CD247: variants seen among roughly 807,000 people sequenced by gnomAD.
The protein encoded by CD247 is CD247 molecule.
A neutral mutation model predicts 30.0 loss-of-function variants in CD247; 13 were observed. The observed-to-expected ratio is 0.43, with a 90% CI of 0.28 to 0.69. The LOEUF is 0.69. Among genes scored for constraint, CD247 ranks in the 30% least tolerant of loss-of-function variants. The pLI is 0.16. For synonymous variants in CD247, 72 were observed against 80.0 expected, an observed-to-expected ratio of 0.90 and a Z score of 0.53; for missense variants, 193 against 212.6, an observed-to-expected ratio of 0.91 and a Z score of 0.57.
At chr1:167,517,985 G>A (rs939552749) in intron 1 of CD247, among the ~76,000 whole-genome samples, 8 of 152,180 alleles carry the variant, frequency 5.3e-5, no homozygotes, top group Non-Finnish European at 1.2e-4. Context: ...GAGTGACGGA[G>A]CCAGCCAGAG....
At chr1:167,497,545 A>AG (rs1654740584) in intron 1 of CD247, among the ~76,000 whole-genome samples, 1 of 152,142 alleles carries the variant, frequency 6.6e-6, no homozygotes, top group Admixed American at 6.5e-5. Flanking sequence ...TACTACTTTC[A>AG]GGGGGAGCAT....
chr1:167,474,512 C>T (rs1425016474), intron 1 of CD247, among the ~76,000 whole-genome samples: 1 of 152,000 alleles, frequency 6.6e-6, no homozygotes, highest in Non-Finnish European at 1.5e-5. Context: ...AGAGTCATGC[C>T]ACAGAAAAGA....
intron 1 of CD247, among the ~76,000 whole-genome samples, chr1:167,444,328 C>G (rs1237414839): frequency 2.0e-5 from 3 of 152,232 alleles, no homozygotes; most frequent in Non-Finnish European, 2.9e-5. Context: ...CCACTCTCTA[C>G]TTGGTCCTGG....
chr1:167,500,819 C>T (rs1654867587), intron 1 of CD247, among the ~76,000 whole-genome samples: 3 of 152,198 alleles, frequency 2.0e-5, no homozygotes. Context: ...GGATACCCCC[C>T]AAGAAATGTT....
At chr1:167,479,416 C>A (rs1165425372) in intron 1 of CD247, among the ~76,000 whole-genome samples, 1 of 152,180 alleles carries the variant, frequency 6.6e-6, no homozygotes, top group East Asian at 1.9e-4. Flanking sequence ...TGAAGGGCCC[C>A]ATAGACCTGC....
chr1:167,447,529 A>G (rs1312322960), intron 1 of CD247, among the ~76,000 whole-genome samples: 1 of 152,108 alleles, frequency 6.6e-6, no homozygotes, highest in East Asian at 1.9e-4. Flanking sequence ...TCCAATTTCT[A>G]TAGGGCAGCC....
intron 6 of CD247, 124 bp downstream of exon 6, chr1:167,433,896 C>T: frequency 1.1e-6 from 1 of 917,904 alleles, no homozygotes; most frequent in Non-Finnish European, 1.8e-6. Flanking sequence ...GCCTTCACCT[C>T]TGATGGCCAC....
At chr1:167,451,179 C>T (rs909872492) in intron 1 of CD247, among the ~76,000 whole-genome samples, 2 of 151,920 alleles carry the variant, frequency 1.3e-5, no homozygotes, top group African/African-American at 2.4e-5. Flanking sequence ...GGAAAGAGGG[C>T]GACAAGCGTG....
chr1:167,434,607 G>GC, intron 5 of CD247: 1 of 365,468 alleles, frequency 2.7e-6, no homozygotes, highest in East Asian at 7.3e-5. Flanking sequence ...CTTCCTATAG[G>GC]GGGGTACACT....
chr1:167,495,704 C>T (rs1465476533), intron 1 of CD247, among the ~76,000 whole-genome samples: 1 of 151,664 alleles, frequency 6.6e-6, no homozygotes, highest in Non-Finnish European at 1.5e-5. Flanking sequence ...CTGACCTCAC[C>T]TCCTACTGGC....
chr1:167,512,162 T>G (rs1204453297), intron 1 of CD247, among the ~76,000 whole-genome samples: 1 of 152,100 alleles, frequency 6.6e-6, no homozygotes, highest in Non-Finnish European at 1.5e-5. Context: ...GGGCAGTAAT[T>G]TGCTTTCTCT....
intron 1 of CD247, among the ~76,000 whole-genome samples, chr1:167,455,636 G>C (rs867662008): frequency 5.9e-5 from 9 of 152,284 alleles, no homozygotes; most frequent in African/African-American, 1.9e-4. Context: ...TATCGCGCGT[G>C]ATCTCCCATC....
intron 1 of CD247, among the ~76,000 whole-genome samples, chr1:167,482,879 G>C (rs1233852687): frequency 1.3e-5 from 2 of 152,058 alleles, no homozygotes; most frequent in Non-Finnish European, 2.9e-5. Context: ...ACTAAAATGT[G>C]GGGAGGGGGA....
At chr1:167,506,352 C>T (rs755623126) in intron 1 of CD247, among the ~76,000 whole-genome samples, 1 of 148,494 alleles carries the variant, frequency 6.7e-6, no homozygotes, top group Non-Finnish European at 1.5e-5. Flanking sequence ...CCCTCCCCTC[C>T]CCTCCCCTTC....
At chr1:167,497,206 T>C (rs1384448792) in intron 1 of CD247, among the ~76,000 whole-genome samples, 1 of 152,096 alleles carries the variant, frequency 6.6e-6, no homozygotes, top group Non-Finnish European at 1.5e-5. Flanking sequence ...AAAAGAACAG[T>C]TACGAAATAA....
chr1:167,449,608 A>G (rs572208153), intron 1 of CD247, among the ~76,000 whole-genome samples: 9 of 152,334 alleles, frequency 5.9e-5, no homozygotes, highest in African/African-American at 1.7e-4. Flanking sequence ...TGTTATTTAT[A>G]AACTGTAATC....
At chr1:167,513,832 T>C (rs1447661278) in intron 1 of CD247, among the ~76,000 whole-genome samples, 2 of 152,116 alleles carry the variant, frequency 1.3e-5, no homozygotes, top group African/African-American at 4.8e-5. Context: ...AGTGGAAATT[T>C]CATATGGTCC....
At chr1:167,436,155 G>A (rs1302830745) in intron 4 of CD247, among the ~76,000 whole-genome samples, 1 of 152,180 alleles carries the variant, frequency 6.6e-6, no homozygotes, top group Non-Finnish European at 1.5e-5. Flanking sequence ...TGCAAGGATG[G>A]TTCAACAAAC....
intron 1 of CD247, among the ~76,000 whole-genome samples, chr1:167,454,714 G>A (rs759950516): frequency 1.3e-4 from 20 of 152,358 alleles, no homozygotes; most frequent in African/African-American, 4.1e-4. Flanking sequence ...ACCAGCAGCC[G>A]AGTGAGATGA....
Sources: gnomAD v4.1 joint callset for allele counts (sites outside exome capture counted in the v4.1 genomes callset) on GRCh38, gnomAD v4.1.1 for gene constraint, MANE v1.5 for transcripts, NCBI Gene and HGNC (gene_info 2026-07-23, HGNC 2026-07-21) for gene names.